AGBL4: variants seen among roughly 807,000 people sequenced by gnomAD.
The protein encoded by AGBL4 is AGBL carboxypeptidase 4, also known as cytosolic carboxypeptidase 6.
AGBL4 carries 58 observed loss-of-function variants against 66.4 expected under a neutral mutation model. The observed-to-expected ratio is 0.87, with a 90% CI of 0.71 to 1.09. The LOEUF (loss-of-function observed/expected upper bound fraction) is 1.09. Among genes scored for constraint, AGBL4 ranks in the 50% least tolerant of loss-of-function variants. The probability of loss-of-function intolerance (pLI) is 0.00; values close to 1 mark genes in which losing one functional copy is unlikely to be tolerated. For synonymous variants in AGBL4, 234 were observed against 222.9 expected, an observed-to-expected ratio of 1.05 and a Z score of -0.44; for missense variants, 579 against 631.0, an observed-to-expected ratio of 0.92 and a Z score of 0.88.
intron 11 of AGBL4, among the ~76,000 whole-genome samples, chr1:48,549,281 C>A (rs901376205): frequency 7.2e-5 from 11 of 152,212 alleles, no homozygotes; most frequent in Non-Finnish European, 1.2e-4. Context: ...AATGAAATAT[C>A]TTTTGTCTCT....
At chr1:49,014,468 C>T (rs1662668280) in intron 5 of AGBL4, among the ~76,000 whole-genome samples, 1 of 152,176 alleles carries the variant, frequency 6.6e-6, no homozygotes, top group African/African-American at 2.4e-5. Flanking sequence ...TGAAAATAAT[C>T]TATGAGGGAT....
intron 9 of AGBL4, among the ~76,000 whole-genome samples, chr1:48,606,162 A>G (rs576770192): frequency 1.3e-5 from 2 of 150,626 alleles, no homozygotes; most frequent in East Asian, 1.9e-4. Context: ...AGAGAAGAAT[A>G]TTATCAGGCA....
chr1:49,370,986 C>A (rs1644328825), intron 3 of AGBL4, among the ~76,000 whole-genome samples: 1 of 152,102 alleles, frequency 6.6e-6, no homozygotes, highest in Non-Finnish European at 1.5e-5. Context: ...TGCTCCTACA[C>A]CAAGAGGGAA....
chr1:48,721,329 T>C (rs1008571720), intron 6 of AGBL4, among the ~76,000 whole-genome samples: 7 of 152,144 alleles, frequency 4.6e-5, no homozygotes, highest in African/African-American at 1.7e-4. Context: ...GGAAACCACA[T>C]TTCTGCTGAG....
chr1:49,194,846 T>C (rs1238636482), intron 4 of AGBL4, among the ~76,000 whole-genome samples: 1 of 152,122 alleles, frequency 6.6e-6, no homozygotes, highest in Non-Finnish European at 1.5e-5. Flanking sequence ...GATCTGTTTT[T>C]TTTTTTTTTG....
At chr1:49,489,457 G>T (rs1647142144) in intron 3 of AGBL4, among the ~76,000 whole-genome samples, 1 of 151,704 alleles carries the variant, frequency 6.6e-6, no homozygotes, top group Non-Finnish European at 1.5e-5. Flanking sequence ...TGAATAGTTT[G>T]CACATATTTT....
intron 3 of AGBL4, among the ~76,000 whole-genome samples, chr1:49,520,002 A>G (rs1038456813): frequency 1.3e-5 from 2 of 152,124 alleles, no homozygotes; most frequent in African/African-American, 4.8e-5. Flanking sequence ...TTAAAAATAT[A>G]GATGGAGAAT....
chr1:49,975,378 T>C (rs1019060059), intron 1 of AGBL4, among the ~76,000 whole-genome samples: 1 of 152,190 alleles, frequency 6.6e-6, no homozygotes, highest in African/African-American at 2.4e-5. Flanking sequence ...GTTTACCACT[T>C]TGCATAAATG....
At chr1:48,740,743 C>T (rs993018000) in intron 6 of AGBL4, among the ~76,000 whole-genome samples, 23 of 152,106 alleles carry the variant, frequency 1.5e-4, no homozygotes, top group African/African-American at 5.1e-4. Context: ...GGCCTCTGAT[C>T]GTGCAGACAG....
intron 6 of AGBL4, among the ~76,000 whole-genome samples, chr1:48,710,329 G>C (rs1241107304): frequency 2.0e-5 from 3 of 152,174 alleles, no homozygotes; most frequent in Non-Finnish European, 4.4e-5. Context: ...GTGCCATGGA[G>C]GATGTATTCA....
At chr1:48,564,681 G>A (rs1644447878) in intron 11 of AGBL4, among the ~76,000 whole-genome samples, 1 of 152,180 alleles carries the variant, frequency 6.6e-6, no homozygotes, top group Non-Finnish European at 1.5e-5. Flanking sequence ...TATGTGCAAT[G>A]ATAAGTATGA....
intron 4 of AGBL4, among the ~76,000 whole-genome samples, chr1:49,048,943 A>G (rs1158955812): frequency 6.6e-6 from 1 of 151,978 alleles, no homozygotes; most frequent in Non-Finnish European, 1.5e-5. Flanking sequence ...TTGCCATCCA[A>G]CTTACAGCCT....
chr1:49,750,853 G>C (rs988379876), intron 2 of AGBL4, among the ~76,000 whole-genome samples: 6 of 152,106 alleles, frequency 3.9e-5, no homozygotes, highest in African/African-American at 1.4e-4. Context: ...TGTAGTAATT[G>C]TGATTGAGAG....
At chr1:48,716,434 T>G (rs1647051853) in intron 6 of AGBL4, among the ~76,000 whole-genome samples, 1 of 152,174 alleles carries the variant, frequency 6.6e-6, no homozygotes, top group African/African-American at 2.4e-5. Context: ...AGTAAAGGCT[T>G]TGTGGGGACT....
intron 9 of AGBL4, among the ~76,000 whole-genome samples, chr1:48,601,587 A>G (rs1645074157): frequency 6.6e-6 from 1 of 152,250 alleles, no homozygotes; most frequent in Non-Finnish European, 1.5e-5. Flanking sequence ...CTTGTTCAAT[A>G]TGAAATCTAT....
At chr1:49,220,371 G>A (rs1348589613) in intron 4 of AGBL4, among the ~76,000 whole-genome samples, 1 of 151,980 alleles carries the variant, frequency 6.6e-6, no homozygotes, top group African/African-American at 2.4e-5. Context: ...TTTGAATCCT[G>A]GCTATGCCAC....
intron 3 of AGBL4, among the ~76,000 whole-genome samples, chr1:49,510,954 G>T (rs1205128424): frequency 6.6e-6 from 1 of 151,050 alleles, no homozygotes; most frequent in Admixed American, 6.6e-5. Context: ...TCTCTGTTTT[G>T]GTACCAGTAC....
intron 1 of AGBL4, among the ~76,000 whole-genome samples, chr1:49,907,848 T>G (rs1426206510): frequency 6.6e-6 from 1 of 152,026 alleles, no homozygotes; most frequent in Non-Finnish European, 1.5e-5. Context: ...ACACAACAAA[T>G]AATACCACTT....
intron 1 of AGBL4, among the ~76,000 whole-genome samples, chr1:49,922,459 A>G (rs1652357313): frequency 6.6e-6 from 1 of 152,184 alleles, no homozygotes; most frequent in African/African-American, 2.4e-5. Flanking sequence ...CGCCAGGGCA[A>G]TCGGGAGAGA....
Sources: gnomAD v4.1 joint callset for allele counts (sites outside exome capture counted in the v4.1 genomes callset) on GRCh38, gnomAD v4.1.1 for gene constraint, MANE v1.5 for transcripts, NCBI Gene and HGNC (gene_info 2026-07-23, HGNC 2026-07-21) for gene names.